Variants in CNTN4 observed in about 807,000 individuals in gnomAD.
CNTN4 encodes contactin 4.
In CNTN4, 77 loss-of-function variants were observed where a neutral mutation model predicts 122.5. That is an observed-to-expected ratio of 0.63 (90% CI 0.52 to 0.76). The LOEUF (loss-of-function observed/expected upper bound fraction) is 0.76. CNTN4 is among the 30% of genes least tolerant of loss of function. The pLI is 0.00. For missense variants in CNTN4, 1,256 were observed against 1,259.1 expected (o/e 1.00, Z 0.04); for synonymous variants, 512 against 447.0 (o/e 1.15, Z -1.83).
At position 3,003,700 on chromosome 3, in the gene CNTN4, AAAAAAAAAAAAAAAC is replaced by A. The variant is rs1432322423; in HGVS notation, c.1486+15236_1486+15250del. 2.0e-5 allele frequency among the ~76,000 whole-genome samples: 3 copies of A among 149,078 alleles called. 1 individual carries two copies. The highest frequency in any genetic ancestry group is 7.4e-5 in the African/African-American group (3 of 40,530). On this transcript the variant is annotated intron_variant, in intron 14 of 24. Coordinates refer to ENST00000418658, the MANE Select transcript of CNTN4 (RefSeq NM_175607.3). ...TGGTTGCACCAAAAAAAAAAAAAAA[AAAAAAAAAAAAAAAC>A]AAAAAAACCCCACTGAATTGTATAC...
At chr3:2,675,767 A>G (rs2084810659) in intron 4 of CNTN4, among the ~76,000 whole-genome samples, 2 of 152,298 alleles carry the variant, frequency 1.3e-5, no homozygotes, top group South Asian at 4.1e-4. Flanking sequence ...CTCAAATACG[A>G]ACACACGCTG....
chr3:2,116,042 C>T (rs549519106), intron 2 of CNTN4, among the ~76,000 whole-genome samples: 152 of 152,290 alleles, frequency 1.0e-3, no homozygotes, highest in Non-Finnish European at 2.0e-3. Flanking sequence ...CATGTAAAGC[C>T]TCTAACTTGG....
At chr3:2,302,232 C>T (rs2150078326) in intron 2 of CNTN4, among the ~76,000 whole-genome samples, 1 of 152,216 alleles carries the variant, frequency 6.6e-6, no homozygotes, top group Admixed American at 6.5e-5. Context: ...AATTTGAGAC[C>T]AGCCTGGCCA....
intron 7 of CNTN4, among the ~76,000 whole-genome samples, chr3:2,839,230 G>A (rs965162539): frequency 2.6e-5 from 4 of 152,286 alleles, no homozygotes; most frequent in African/African-American, 9.6e-5. Flanking sequence ...AGCTAAAGGT[G>A]TTTTCAAGAT....
In CNTN4 at chr3:2,521,889, A is replaced by C. The variant is rs182855264; in HGVS notation, c.-88-49527A>C. Among the ~76,000 whole-genome samples the C allele has an allele frequency of 4.1e-3, 619 of 152,182 alleles. 4 individuals are homozygous for C. Among genetic ancestry groups the C allele is most frequent in the Middle Eastern group, 0.01 (3 of 294 alleles). ...GTGATTTGTGGGGGCATCTGACATCATCAGAGGCGCAAAAGTAATCGTGCT... is the reference window on the plus strand; with the variant it reads ...GTGATTTGTGGGGGCATCTGACATCCTCAGAGGCGCAAAAGTAATCGTGCT... On this transcript the variant is annotated intron_variant, in intron 3 of 24. Transcript: ENST00000418658.
chr3:2,134,921 A>T (rs2034618691), intron 2 of CNTN4, among the ~76,000 whole-genome samples: 1 of 152,174 alleles, frequency 6.6e-6, no homozygotes, highest in African/African-American at 2.4e-5. Context: ...TGTTAACCTC[A>T]TCCAAAATAT....
At chr3:2,122,875 A>G (rs1413224699) in intron 2 of CNTN4, among the ~76,000 whole-genome samples, 2 of 152,202 alleles carry the variant, frequency 1.3e-5, no homozygotes, top group Non-Finnish European at 2.9e-5. Flanking sequence ...ATTCTTGTGC[A>G]AGGTTTATGG....
chr3:2,448,988 C>CT (rs968192348), intron 3 of CNTN4, among the ~76,000 whole-genome samples: 9 of 151,994 alleles, frequency 5.9e-5, no homozygotes, highest in Admixed American at 1.3e-4. Flanking sequence ...GCCCATGTAA[C>CT]TTTTTTTTAT....
chr3:2,414,573 A>G (rs142692197), intron 3 of CNTN4, among the ~76,000 whole-genome samples: 71 of 152,268 alleles, frequency 4.7e-4, no homozygotes, highest in Middle Eastern at 3.4e-3. Flanking sequence ...AGTAATTGAT[A>G]TTATTTATAT....
intron 24 of CNTN4, among the ~76,000 whole-genome samples, chr3:3,055,031 T>TTAAAA (rs773151154): frequency 5.3e-5 from 8 of 152,224 alleles, no homozygotes; most frequent in Non-Finnish European, 8.8e-5. Context: ...TCCTGACTTT[T>TTAAAA]AGCCATGTGA....
intron 2 of CNTN4, among the ~76,000 whole-genome samples, chr3:2,125,234 C>T (rs1360331165): frequency 2.0e-5 from 3 of 151,918 alleles, no homozygotes; most frequent in Non-Finnish European, 2.9e-5. Flanking sequence ...TCTGTAACTG[C>T]CTTATTTCAC....
intron 13 of CNTN4, among the ~76,000 whole-genome samples, chr3:2,985,931 T>C (rs1028964218): frequency 6.3e-5 from 9 of 142,642 alleles, no homozygotes; most frequent in South Asian, 2.2e-4. Context: ...TTTTTTTTTT[T>C]CGAGACAGGG....
Position 2,268,790 on chromosome 3 carries a change from G to A in CNTN4, c.-144-70388G>A, listed in dbSNP as rs114685582. ...TTTATCAGCCACCTGCATGCAAACA[G>A]CATTATGTCTGAAGTTAAAACATGT... On this transcript the variant is annotated intron_variant, in intron 2 of 24. Coordinates refer to ENST00000418658, the MANE Select transcript of CNTN4 (RefSeq NM_175607.3). Among the ~76,000 whole-genome samples the A allele has an allele frequency of 5.4e-3, 828 of 152,240 alleles. 8 individuals carry two copies. The highest frequency in any genetic ancestry group is 7.7e-3 in the Non-Finnish European group (525 of 68,010).
intron 4 of CNTN4, among the ~76,000 whole-genome samples, chr3:2,612,830 TAGG>T (rs778719807): frequency 6.6e-6 from 1 of 152,046 alleles, no homozygotes; most frequent in Non-Finnish European, 1.5e-5. Context: ...TGAAAGGAAA[TAGG>T]AGGATATAAC....
intron 2 of CNTN4, among the ~76,000 whole-genome samples, chr3:2,119,353 CCTGA>C (rs1311131983): frequency 4.6e-5 from 7 of 152,140 alleles, no homozygotes; most frequent in African/African-American, 9.7e-5. Context: ...TGTGGAGAAC[CCTGA>C]CTACTACACC....
intron 6 of CNTN4, among the ~76,000 whole-genome samples, chr3:2,784,789 G>A (rs1249564043): frequency 6.6e-6 from 1 of 152,130 alleles, no homozygotes; most frequent in African/African-American, 2.4e-5. Context: ...TGATAAAAGA[G>A]ATAATATGAC....
intron 3 of CNTN4, among the ~76,000 whole-genome samples, chr3:2,421,572 C>G (rs1428666192): frequency 6.6e-6 from 1 of 152,052 alleles, no homozygotes; most frequent in African/African-American, 2.4e-5. Context: ...TATTGTTTAT[C>G]TTGATTTCTT....
rs71058631 is a variant in CNTN4, at chr3:2,617,419, C to CTTTTTTTTT, written c.55+45872_55+45880dup. On this transcript the variant is annotated intron_variant, in intron 4 of 24. Coordinates refer to ENST00000418658, the MANE Select transcript of CNTN4 (RefSeq NM_175607.3). The stretch of plus-strand genomic sequence containing the variant: ...ACATCACTGATCTTTAGAGAAATGC[C>CTTTTTTTTT]TTTTTTTTTTTTTTTTTTTGAGACA... Among the ~76,000 whole-genome samples the CTTTTTTTTT allele has an allele frequency of 7.3e-3, 788 of 108,484 alleles. 39 individuals carry two copies. The highest frequency in any genetic ancestry group is 8.3e-3 in the Non-Finnish European group (472 of 56,586). The allele number at this position is 108,484 out of a possible 152,430, so 71.2% of individuals were successfully genotyped here. A position where few individuals can be genotyped will look rare whatever the true frequency, so the allele number is the denominator to read the frequency against.
chr3:2,340,717 A>AGAGAGAGAGAGGGG (rs2044174360), intron 3 of CNTN4, among the ~76,000 whole-genome samples: 1 of 132,510 alleles, frequency 7.5e-6, no homozygotes, highest in Non-Finnish European at 1.6e-5. Context: ...ATATAGAGAG[A>AGAGAGAGAGAGGGG]GAGAGAGAGA....
Sources: gnomAD v4.1 joint callset for allele counts (sites outside exome capture counted in the v4.1 genomes callset) on GRCh38, gnomAD v4.1.1 for gene constraint, MANE v1.5 for transcripts, NCBI Gene and HGNC (gene_info 2026-07-23, HGNC 2026-07-21) for gene names.